The following EXOC4 variants were observed in gnomAD, a reference collection of about 807,000 sequenced individuals.
The protein encoded by EXOC4 is exocyst complex component 4.
In EXOC4, 71 loss-of-function variants were observed where a neutral mutation model predicts 107.2. That is an observed-to-expected ratio of 0.66 (90% CI 0.55 to 0.81). The LOEUF (loss-of-function observed/expected upper bound fraction) is 0.81. EXOC4 is among the 30% of genes least tolerant of loss of function. EXOC4 has a pLI of 0.00. For synonymous variants in EXOC4, 456 were observed against 441.2 expected (o/e 1.03, Z -0.42); for missense variants, 1,108 against 1,189.6 (o/e 0.93, Z 1.01).
At chr7:133,542,232 A>C (rs1364679408) in intron 9 of EXOC4, among the ~76,000 whole-genome samples, 1 of 151,212 alleles carries the variant, frequency 6.6e-6, no homozygotes, top group Non-Finnish European at 1.5e-5. Context: ...AAATGGAGGA[A>C]ATTGTCCATT....
At chr7:133,411,614 A>G (rs1797357888) in intron 7 of EXOC4, among the ~76,000 whole-genome samples, 1 of 152,190 alleles carries the variant, frequency 6.6e-6, no homozygotes, top group African/African-American at 2.4e-5. Context: ...ATCACAGATT[A>G]TGTATCTGTA....
chr7:133,387,285 G>A (rs1012456553), intron 7 of EXOC4, among the ~76,000 whole-genome samples: 1 of 152,192 alleles, frequency 6.6e-6, no homozygotes, highest in African/African-American at 2.4e-5. Context: ...GTTTAGGAGA[G>A]TGTTTGTGTT....
intron 17 of EXOC4, among the ~76,000 whole-genome samples, chr7:134,013,938 G>A (rs1794832810): frequency 6.6e-6 from 1 of 152,100 alleles, no homozygotes; most frequent in Non-Finnish European, 1.5e-5. Context: ...ATTTGCCGCT[G>A]GTAGAAATGT....
At chr7:133,427,646 AGC>A (rs1797757590) in intron 7 of EXOC4, among the ~76,000 whole-genome samples, 1 of 152,196 alleles carries the variant, frequency 6.6e-6, no homozygotes, top group South Asian at 2.1e-4. Flanking sequence ...AGGAAGGTTG[AGC>A]CACCCAACTC....
chr7:133,584,710 C>T (rs1453680256), intron 9 of EXOC4, among the ~76,000 whole-genome samples: 2 of 150,954 alleles, frequency 1.3e-5, no homozygotes, highest in South Asian at 2.1e-4. Flanking sequence ...TCCAGAGTGG[C>T]TGGGATTACA....
chr7:133,610,210 A>G (rs905583921), intron 9 of EXOC4, among the ~76,000 whole-genome samples: 1 of 152,154 alleles, frequency 6.6e-6, no homozygotes, highest in Non-Finnish European at 1.5e-5. Context: ...TCCTGACTTA[A>G]TATTTATGGA....
chr7:133,847,974 C>CCTCCTCTA (rs1370057160), intron 11 of EXOC4, among the ~76,000 whole-genome samples: 1 of 147,720 alleles, frequency 6.8e-6, no homozygotes, highest in Non-Finnish European at 1.5e-5. Flanking sequence ...AGGTGATCTA[C>CCTCCTCTA]CCGCCTCGGC....
intron 10 of EXOC4, among the ~76,000 whole-genome samples, chr7:133,692,337 ACCAAT>A (rs1562910072): frequency 6.6e-6 from 1 of 152,240 alleles, no homozygotes; most frequent in East Asian, 1.9e-4. Flanking sequence ...TCTTTTCTCT[ACCAAT>A]CTAGGAATTA....
chr7:134,093,978 C>T, the EXOC4 span, among the ~76,000 whole-genome samples: 2 of 152,024 alleles, frequency 1.3e-5, no homozygotes, highest in African/African-American at 4.8e-5. Context: ...TTATAAAGAT[C>T]TCAAATTAGC....
chr7:133,901,121 C>T (rs1201239330), intron 12 of EXOC4, among the ~76,000 whole-genome samples: 2 of 152,276 alleles, frequency 1.3e-5, no homozygotes, highest in African/African-American at 2.4e-5. Context: ...CCACCCACCT[C>T]GGCCTCCCAA....
chr7:133,359,420 A>C lies in EXOC4; in HGVS notation c.1007+2847A>C, dbSNP rs1584850169. Among the ~76,000 whole-genome samples the C allele has an allele frequency of 2.0e-5, 3 of 152,282 alleles. No individual in the cohort carries two copies. The East Asian group carries it at 5.8e-4, about 29-fold the overall frequency. On this transcript the variant is annotated intron_variant, in intron 6 of 17. Transcript: ENST00000253861. Reference sequence around the variant, plus strand: ...GTGGCATTTATTTCAGAGAGAAGTAAAATCACAATACTTGGCATTATTTAT... The same window carrying C: ...GTGGCATTTATTTCAGAGAGAAGTACAATCACAATACTTGGCATTATTTAT...
chr7:133,957,649 T>C (rs1248826513), intron 14 of EXOC4, among the ~76,000 whole-genome samples: 2 of 152,236 alleles, frequency 1.3e-5, no homozygotes, highest in Admixed American at 6.5e-5. Context: ...TTAATCCTTA[T>C]ATGTTTCACA....
chr7:133,613,085 C>T (rs1269775736), intron 9 of EXOC4, among the ~76,000 whole-genome samples: 1 of 151,770 alleles, frequency 6.6e-6, no homozygotes, highest in African/African-American at 2.4e-5. Context: ...CTAGAAATAT[C>T]AGAAAAATTA....
intron 10 of EXOC4, among the ~76,000 whole-genome samples, chr7:133,776,998 G>A (rs1329531011): frequency 6.6e-6 from 1 of 152,114 alleles, no homozygotes; most frequent in Non-Finnish European, 1.5e-5. Flanking sequence ...ACAAAAAGGA[G>A]CAGGAGCTTT....
At chr7:133,592,561 G>C (rs1360599563) in intron 9 of EXOC4, among the ~76,000 whole-genome samples, 2 of 152,224 alleles carry the variant, frequency 1.3e-5, no homozygotes, top group African/African-American at 4.8e-5. Flanking sequence ...AAGTGCCTCA[G>C]CCTCTTGAGT....
At chr7:133,992,535 A>C (rs1156229218) in intron 14 of EXOC4, among the ~76,000 whole-genome samples, 2 of 151,902 alleles carry the variant, frequency 1.3e-5, no homozygotes, top group African/African-American at 4.8e-5. Flanking sequence ...TGCCCGCCTC[A>C]GGCTCCCAAA....
intron 14 of EXOC4, among the ~76,000 whole-genome samples, chr7:133,958,438 A>G (rs931314887): frequency 6.6e-6 from 1 of 152,190 alleles, no homozygotes; most frequent in East Asian, 1.9e-4. Flanking sequence ...GGTCATTAAC[A>G]TACATATTTA....
intron 10 of EXOC4, among the ~76,000 whole-genome samples, chr7:133,759,524 G>A (rs1161077742): frequency 6.6e-6 from 1 of 152,210 alleles, no homozygotes; most frequent in Non-Finnish European, 1.5e-5. Flanking sequence ...TCATTTTGCA[G>A]ATGAAGAGAT....
At chr7:133,604,905 C>T (rs907562210) in intron 9 of EXOC4, among the ~76,000 whole-genome samples, 4 of 150,782 alleles carry the variant, frequency 2.7e-5, no homozygotes, top group African/African-American at 4.9e-5. Flanking sequence ...TTTTATTTTT[C>T]GTGGAGATGA....
Sources: gnomAD v4.1 joint callset for allele counts (sites outside exome capture counted in the v4.1 genomes callset) on GRCh38, gnomAD v4.1.1 for gene constraint, MANE v1.5 for transcripts, NCBI Gene and HGNC (gene_info 2026-07-23, HGNC 2026-07-21) for gene names.